The following PIP4K2A variants were observed in gnomAD, a reference collection of about 807,000 sequenced individuals.
The protein encoded by PIP4K2A is phosphatidylinositol-5-phosphate 4-kinase type 2 alpha.
A neutral mutation model predicts 42.9 loss-of-function variants in PIP4K2A; 14 were observed. The observed-to-expected ratio is 0.33, with a 90% CI of 0.22 to 0.51. The LOEUF (loss-of-function observed/expected upper bound fraction) is 0.51. PIP4K2A is among the 20% of genes least tolerant of loss of function. The pLI, the probability that PIP4K2A is intolerant of heterozygous loss-of-function variation, is 0.97. For missense variants in PIP4K2A, 434 were observed against 519.8 expected (o/e 0.83, Z 1.61); for synonymous variants, 192 against 192.2 (o/e 1.00, Z 0.01).
intron 3 of PIP4K2A, among the ~76,000 whole-genome samples, chr10:22,593,121 G>A (rs924316937): frequency 2.2e-4 from 34 of 152,330 alleles, no homozygotes; most frequent in Admixed American, 1.4e-3. Context: ...CAGTGCAGGG[G>A]TTTACGCAGG....
Position 22,714,212 on chromosome 10 carries a change from TGA to T in PIP4K2A, c.113_114del (p.Leu38GlnfsTer13). On this transcript the variant is annotated frameshift_variant, in exon 1 of 10. Coordinates refer to ENST00000376573, the MANE Select transcript of PIP4K2A (RefSeq NM_005028.5). LOFTEE classifies it high-confidence loss of function. ...TGGTTTACCCCCCACATGAGGACGC[TGA>T]GCAGCGGGTCGCTGGCCCGAAACAG... ...VKLFRASDPLLSVLMWGVNHS... is the reference protein window; with the variant it reads ...VKLFRASDPLXSVLMWGVNHS... 3 of 1,611,696 alleles carry T rather than the reference TGA, an allele frequency of 1.9e-6. No homozygotes were observed. The highest frequency in any genetic ancestry group is 2.5e-6 in the Non-Finnish European group (3 of 1,178,732).
chr10:22,563,409 T>C (rs886328809), intron 6 of PIP4K2A, among the ~76,000 whole-genome samples: 18 of 152,218 alleles, frequency 1.2e-4, no homozygotes, highest in African/African-American at 4.3e-4. Flanking sequence ...GCTCAAGCTC[T>C]TCAAATAGAG....
intron 4 of PIP4K2A, among the ~76,000 whole-genome samples, chr10:22,590,935 T>C (rs1345463233): frequency 2.6e-5 from 4 of 152,218 alleles, no homozygotes; most frequent in Admixed American, 6.5e-5. Flanking sequence ...GAGCCCAGGA[T>C]TGTCCAACGC....
chr10:22,572,157 A>G lies in PIP4K2A; in HGVS notation c.639+1154T>C, dbSNP rs72816807. The stretch of plus-strand genomic sequence containing the variant: ...TTGAGAACCAAATGTCAGAGACCAG[A>G]GTTTGGCAAACTTTTCTGCAAACAG... On this transcript the variant is annotated intron_variant, in intron 5 of 9. Transcript: ENST00000376573. 1.3e-5 allele frequency among the ~76,000 whole-genome samples: 2 copies of G among 152,228 alleles called. 1 individual carries two copies. The highest frequency in any genetic ancestry group is 3.8e-4 in the East Asian group (2 of 5,200).
At chr10:22,557,783 A>C (rs1836588011) in intron 6 of PIP4K2A, among the ~76,000 whole-genome samples, 1 of 152,204 alleles carries the variant, frequency 6.6e-6, no homozygotes, top group Admixed American at 6.5e-5. Context: ...CAGTATGGGT[A>C]AATGGCCATT....
chr10:22,695,869 C>A (rs1024917896), intron 1 of PIP4K2A, among the ~76,000 whole-genome samples: 1 of 152,022 alleles, frequency 6.6e-6, no homozygotes, highest in East Asian at 1.9e-4. Flanking sequence ...ATATTTTCGA[C>A]CCGTGGTTGG....
chr10:22,674,071 A>G (rs1588699714), intron 1 of PIP4K2A, among the ~76,000 whole-genome samples: 1 of 152,148 alleles, frequency 6.6e-6, no homozygotes, highest in East Asian at 1.9e-4. Context: ...TATACACAGA[A>G]CCTTTGCTTT....
intron 4 of PIP4K2A, among the ~76,000 whole-genome samples, chr10:22,580,040 G>A (rs373448236): frequency 9.2e-5 from 14 of 152,060 alleles, no homozygotes; most frequent in African/African-American, 3.4e-4. Flanking sequence ...GAGGTGAGGG[G>A]TGGAGAGGGC....
Position 22,573,310 on chromosome 10 carries a change from C to A in PIP4K2A, c.639+1G>T. The stretch of plus-strand genomic sequence containing the variant: ...ACAAAAATTCATAAAATCAGTCTCA[C>A]CTTTAAGTCGTATTTCCTATACACA... On this transcript the variant is annotated splice_donor_variant, in intron 5 of 9. Coordinates refer to ENST00000376573, the MANE Select transcript of PIP4K2A (RefSeq NM_005028.5). LOFTEE classifies it high-confidence loss of function. 1 of 1,612,592 alleles carries A rather than the reference C, an allele frequency of 6.2e-7. No homozygotes were observed. The highest frequency in any genetic ancestry group is 8.5e-7 in the Non-Finnish European group (1 of 1,179,060).
chr10:22,662,708 A>C (rs1488191577), intron 1 of PIP4K2A, among the ~76,000 whole-genome samples: 1 of 152,140 alleles, frequency 6.6e-6, no homozygotes, highest in African/African-American at 2.4e-5. Flanking sequence ...TCACCAGAAA[A>C]TGGAGAAATA....
At chr10:22,699,967 G>C (rs1347225525) in intron 1 of PIP4K2A, among the ~76,000 whole-genome samples, 1 of 152,230 alleles carries the variant, frequency 6.6e-6, no homozygotes, top group Non-Finnish European at 1.5e-5. Context: ...ACAAAGGTGA[G>C]GATCATTTGA....
intron 1 of PIP4K2A, among the ~76,000 whole-genome samples, chr10:22,635,910 G>A (rs534887121): frequency 2.0e-5 from 3 of 152,332 alleles, no homozygotes; most frequent in South Asian, 2.1e-4. Flanking sequence ...CTTAGGGTAC[G>A]TAGAAGATGC....
intron 1 of PIP4K2A, among the ~76,000 whole-genome samples, chr10:22,616,393 G>A (rs1838178816): frequency 6.6e-6 from 1 of 152,150 alleles, no homozygotes; most frequent in Admixed American, 6.5e-5. Context: ...CAAGGGGGTA[G>A]AGGTGCTATT....
intron 5 of PIP4K2A, among the ~76,000 whole-genome samples, chr10:22,572,598 CTT>C (rs1837016015): frequency 1.5e-5 from 2 of 136,328 alleles, no homozygotes; most frequent in African/African-American, 5.5e-5. Context: ...GAGGAAGACT[CTT>C]TCTCAAAAAA....
intron 1 of PIP4K2A, among the ~76,000 whole-genome samples, chr10:22,665,722 G>A (rs1839335494): frequency 6.6e-6 from 1 of 151,298 alleles, no homozygotes; most frequent in South Asian, 2.1e-4. Flanking sequence ...CAAAGTGCTG[G>A]GATTACAGAT....
At chr10:22,614,305 T>C (rs960549569) in intron 1 of PIP4K2A, among the ~76,000 whole-genome samples, 2 of 152,220 alleles carry the variant, frequency 1.3e-5, no homozygotes, top group African/African-American at 4.8e-5. Flanking sequence ...TAAAAGAGAA[T>C]TTCGGAGATC....
At chr10:22,538,215 C>G (rs1835986289) in intron 9 of PIP4K2A, among the ~76,000 whole-genome samples, 2 of 152,228 alleles carry the variant, frequency 1.3e-5, no homozygotes, top group African/African-American at 4.8e-5. Flanking sequence ...TGGTCCCCCA[C>G]AGCAGCTTAA....
intron 9 of PIP4K2A, among the ~76,000 whole-genome samples, chr10:22,537,531 C>G (rs1317774219): frequency 6.6e-6 from 1 of 152,162 alleles, no homozygotes; most frequent in Non-Finnish European, 1.5e-5. Flanking sequence ...CTACCACACA[C>G]ACCGGGGCTG....
chr10:22,680,117 C>T (rs964342248), intron 1 of PIP4K2A, among the ~76,000 whole-genome samples: 3 of 151,902 alleles, frequency 2.0e-5, no homozygotes, highest in Admixed American at 1.3e-4. Context: ...AAAAAAAATA[C>T]TCTAGCAAAC....
Sources: allele counts gnomAD v4.1 joint callset (sites outside exome capture counted in the v4.1 genomes callset), GRCh38; gene constraint gnomAD v4.1.1; transcripts MANE v1.5; gene names NCBI Gene and HGNC (gene_info 2026-07-23, HGNC 2026-07-21).